Variants in FBXL20 observed in about 807,000 individuals in gnomAD.
FBXL20 encodes F-box and leucine rich repeat protein 20, also known as F-box/LRR-repeat protein 20.
A neutral mutation model predicts 64.0 loss-of-function variants in FBXL20; 11 were observed. That is an observed-to-expected ratio of 0.17 (90% CI 0.11 to 0.28). FBXL20 has a LOEUF of 0.28. Ranked by LOEUF, FBXL20 falls within the 10% of genes least tolerant of loss-of-function variation. The pLI is 1.00. For missense variants in FBXL20, 303 were observed against 526.2 expected (o/e 0.58, Z 4.15); for synonymous variants, 184 against 189.0 (o/e 0.97, Z 0.22).
intron 2 of FBXL20, among the ~76,000 whole-genome samples, chr17:39,309,192 G>C (rs1271677656): frequency 2.0e-5 from 3 of 152,116 alleles, no homozygotes; most frequent in Non-Finnish European, 2.9e-5. Context: ...ACTACAATTT[G>C]TCTCTGATAG....
rs2047925061 is a variant in FBXL20 at position 39,372,252 on chromosome 17, G to T, written c.43-29011C>A. Among the ~76,000 whole-genome samples the T allele has an allele frequency of 2.0e-5, 3 of 152,008 alleles. No individual in the cohort carries two copies. In the South Asian group the frequency reaches 6.2e-4, roughly 32 times the overall value. On this transcript the variant is annotated intron_variant, in intron 1 of 14. Transcript: ENST00000264658. Reference sequence around the variant, plus strand: ...AACCAAAAAAAAGGCCAGGCACGGTGGCTCACTCCTGTAATCCCAGCACTT... The same window carrying T: ...AACCAAAAAAAAGGCCAGGCACGGTTGCTCACTCCTGTAATCCCAGCACTT...
At chr17:39,301,241 T>C (rs894969374) in intron 3 of FBXL20, among the ~76,000 whole-genome samples, 166 bp from the exon 4 acceptor site, 6 of 152,192 alleles carry the variant, frequency 3.9e-5, no homozygotes, top group Non-Finnish European at 8.8e-5. Context: ...CTGACCCATA[T>C]TGTATTCTCC....
At chr17:39,374,217 T>A (rs1197875320) in intron 1 of FBXL20, among the ~76,000 whole-genome samples, 1 of 146,158 alleles carries the variant, frequency 6.8e-6, no homozygotes, top group African/African-American at 2.5e-5. Flanking sequence ...AAAGCAAAAC[T>A]ACGTCTCAAA....
chr17:39,300,858 T>C (rs564381615), intron 4 of FBXL20, 143 bp downstream of exon 4: 3 of 683,282 alleles, frequency 4.4e-6, no homozygotes, highest in South Asian at 2.2e-5. Flanking sequence ...CTTGGTAACT[T>C]TGGGGGTTCC....
intron 1 of FBXL20, among the ~76,000 whole-genome samples, chr17:39,387,603 G>A (rs2048094986): frequency 7.0e-6 from 1 of 143,504 alleles, no homozygotes; most frequent in Non-Finnish European, 1.5e-5. Context: ...TTTGAGACAA[G>A]GTCTCACTCT....
At chr17:39,361,491 T>C (rs1206784075) in intron 1 of FBXL20, among the ~76,000 whole-genome samples, 1 of 152,144 alleles carries the variant, frequency 6.6e-6, no homozygotes, top group Non-Finnish European at 1.5e-5. Context: ...CCCAGAAGCT[T>C]CTCAAAACAA....
At chr17:39,401,865 G>T, upstream of FBXL20, 1 of 409,498 alleles carries the variant, frequency 2.4e-6, no homozygotes, top group Non-Finnish European at 3.8e-6. Context: ...AGGCAGACGA[G>T]CCCATCGGGA....
At chr17:39,266,010 T>G (rs1253833815) in intron 12 of FBXL20, among the ~76,000 whole-genome samples, 2 of 151,076 alleles carry the variant, frequency 1.3e-5, no homozygotes, top group Admixed American at 6.6e-5. Flanking sequence ...CCTCACAGAG[T>G]GTTGAGATGA....
chr17:39,343,659 G>A (rs1158835343), intron 1 of FBXL20, among the ~76,000 whole-genome samples: 1 of 151,688 alleles, frequency 6.6e-6, no homozygotes, highest in Non-Finnish European at 1.5e-5. Flanking sequence ...TTGAGCTCAG[G>A]AGTTCAAGAC....
chr17:39,269,280 A>T (rs576257496), intron 11 of FBXL20, among the ~76,000 whole-genome samples: 89 of 150,412 alleles, frequency 5.9e-4, no homozygotes, highest in African/African-American at 2.1e-3. Flanking sequence ...GGCAAGCTCT[A>T]CCTCCCGGGT....
intron 2 of FBXL20, among the ~76,000 whole-genome samples, chr17:39,315,393 T>TTATATATA (rs59563317): frequency 0.017 from 2,260 of 134,492 alleles, 71 homozygotes; most frequent in African/African-American, 0.04. Context: ...TTTAAATAAT[T>TTATATATA]TATATATATA....
chr17:39,346,324 G>C (rs1362156596), intron 1 of FBXL20, among the ~76,000 whole-genome samples: 3 of 151,882 alleles, frequency 2.0e-5, no homozygotes, highest in Non-Finnish European at 2.9e-5. Flanking sequence ...CTGGGCGACA[G>C]AGTGAGATCC....
At chr17:39,364,524 G>C (rs1211902490) in intron 1 of FBXL20, among the ~76,000 whole-genome samples, 1 of 152,180 alleles carries the variant, frequency 6.6e-6, no homozygotes, top group African/African-American at 2.4e-5. Flanking sequence ...CGGGAGGATT[G>C]CTTGAGCCAG....
intron 1 of FBXL20, among the ~76,000 whole-genome samples, chr17:39,345,925 A>G (rs2047628838): frequency 6.6e-6 from 1 of 152,170 alleles, no homozygotes; most frequent in Admixed American, 6.6e-5. Context: ...TATGTTTGGC[A>G]TAATTTTAGG....
rs975738954 is a variant in FBXL20 at position 39,257,571 on chromosome 17, T to C, written c.*3889A>G. 3 of 152,246 alleles carry C rather than the reference T, an allele frequency of 2.0e-5. No individual in the cohort carries two copies. Among genetic ancestry groups the C allele is most frequent in the Admixed American group, 6.5e-5 (1 of 15,286 alleles). 9.4% of individuals were successfully genotyped at this position (152,246 alleles called of 1,614,324 possible). On this transcript the variant is annotated 3_prime_UTR_variant, in exon 15 of 15. Transcript: ENST00000264658. ...ACAATATGCTTTCATATTCCAAATA[T>C]TGGAAAAAGGGCTAAGGCCATATCC... is the stretch of plus-strand genomic sequence containing the variant.
intron 1 of FBXL20, among the ~76,000 whole-genome samples, chr17:39,353,225 A>G (rs1025473392): frequency 4.6e-5 from 7 of 152,220 alleles, no homozygotes; most frequent in Non-Finnish European, 1.0e-4. Flanking sequence ...ATATGCAGCT[A>G]AACTTAGTAA....
chr17:39,328,688 A>T (rs997763156), intron 2 of FBXL20, among the ~76,000 whole-genome samples: 9 of 152,244 alleles, frequency 5.9e-5, no homozygotes, highest in Non-Finnish European at 1.2e-4. Context: ...TCATATTGCA[A>T]CTGCAATAGT....
intron 1 of FBXL20, among the ~76,000 whole-genome samples, chr17:39,355,316 C>T (rs1228320277): frequency 6.6e-6 from 1 of 150,690 alleles, no homozygotes; most frequent in Non-Finnish European, 1.5e-5. Flanking sequence ...GTTTGAGCCC[C>T]TAAGGTTGAG....
At chr17:39,266,321 G>T (rs2046792373) in intron 12 of FBXL20, among the ~76,000 whole-genome samples, 1 of 151,536 alleles carries the variant, frequency 6.6e-6, no homozygotes, top group South Asian at 2.1e-4. Context: ...CTGGGTTCAA[G>T]CGATTCTCCT....
Sources: gnomAD v4.1 joint callset for allele counts (sites outside exome capture counted in the v4.1 genomes callset) on GRCh38, gnomAD v4.1.1 for gene constraint, MANE v1.5 for transcripts, NCBI Gene and HGNC (gene_info 2026-07-23, HGNC 2026-07-21) for gene names.